The following LRPPRC variants were observed in gnomAD, a reference collection of about 807,000 sequenced individuals.
The protein encoded by LRPPRC is leucine rich pentatricopeptide repeat containing, also known as leucine-rich PPR motif-containing protein, mitochondrial.
Under a neutral mutation model 180.3 loss-of-function variants are expected in LRPPRC, and 120 were observed. The ratio of observed to expected loss-of-function variants is 0.67; its 90% CI spans 0.57 to 0.77. The LOEUF is 0.77. Among genes scored for constraint, LRPPRC ranks in the 30% least tolerant of loss-of-function variants. The pLI is 0.00. For synonymous variants in LRPPRC, 723 were observed against 600.0 expected (o/e 1.21, Z -3.00); for missense variants, 2,012 against 1,657.2 (o/e 1.21, Z -3.72).
Position 43,899,336 on chromosome 2 carries a change from T to C in LRPPRC, c.3710-2A>G. On this transcript the variant is annotated splice_acceptor_variant, in intron 33 of 37. Coordinates refer to ENST00000260665, the MANE Select transcript of LRPPRC (RefSeq NM_133259.4). LOFTEE classifies it high-confidence loss of function. Reference sequence around the variant, plus strand: ...CCAATCTCTCCGCCATGATGCTTACTGGAAAAATGACAGGTAAGAAAAATC... The same window carrying C: ...CCAATCTCTCCGCCATGATGCTTACCGGAAAAATGACAGGTAAGAAAAATC... 6.2e-7 allele frequency: 1 copy of C among 1,612,260 alleles called. No individual in the cohort carries two copies. The highest frequency in any genetic ancestry group is 8.5e-7 in the Non-Finnish European group (1 of 1,178,274).
At chr2:43,934,913 A>G (rs1031181168) in intron 23 of LRPPRC, 35 bp from the exon 24 acceptor site, 2 of 1,591,806 alleles carry the variant, frequency 1.3e-6, no homozygotes, top group African/African-American at 2.7e-5. Flanking sequence ...GAATAAAATA[A>G]ATCGAATTCA....
chr2:43,915,222 TCTCTCTCTCTCACACACACACACACA>T (rs1671411894), intron 29 of LRPPRC, among the ~76,000 whole-genome samples: 1 of 105,972 alleles, frequency 9.4e-6, no homozygotes, highest in Non-Finnish European at 1.8e-5. Flanking sequence ...TCTCTCTCTC[TCTCTCTCTCTCACACACACACACACA>T]CACACACACA....
chr2:43,915,053 CAAAAA>C (rs71393213), intron 29 of LRPPRC, among the ~76,000 whole-genome samples: 31 of 96,896 alleles, frequency 3.2e-4, no homozygotes, highest in African/African-American at 1.1e-3. Flanking sequence ...ACTAAAAATA[CAAAAA>C]AAAAAAAAAA....
At chr2:43,915,291 C>T (rs2105019082) in intron 29 of LRPPRC, among the ~76,000 whole-genome samples, 1 of 147,760 alleles carries the variant, frequency 6.8e-6, no homozygotes, top group African/African-American at 2.5e-5. Context: ...TTCATCAGAA[C>T]ATTTACATAG....
Position 43,977,046 on chromosome 2 carries a change from A to G in LRPPRC, c.598T>C (p.Tyr200His). 1.1e-5 allele frequency: 18 copies of G among 1,613,292 alleles called. No individual in the cohort carries two copies. Among genetic ancestry groups the G allele is most frequent in the Non-Finnish European group, 1.5e-5 (18 of 1,179,410 alleles). The change falls in exon 5 of 38, where the codon TAC becomes CAC. Residue 200 changes from tyrosine to histidine, a missense_variant. Coordinates refer to ENST00000260665, the MANE Select transcript of LRPPRC (RefSeq NM_133259.4). ...CAATAAGAAGCAATCAATCTCTGGT[A>G]TGTCACCTGTCAATGAAATGGGCCA... ...EANIQPNRVT[Y>H]QRLIASYCNV...
intron 30 of LRPPRC, among the ~76,000 whole-genome samples, chr2:43,911,527 T>TC (rs1371846613): frequency 1.4e-5 from 2 of 138,542 alleles, no homozygotes; most frequent in African/African-American, 5.7e-5. Context: ...CTTCTTCTTT[T>TC]TTTTTTTTTT....
At chr2:43,953,900 T>A (rs959044332) in intron 14 of LRPPRC, among the ~76,000 whole-genome samples, 1 of 152,220 alleles carries the variant, frequency 6.6e-6, no homozygotes, top group South Asian at 2.1e-4. Flanking sequence ...GCCAGGCCGG[T>A]GGTTCATGCC....
At chr2:43,983,703 G>C (rs1674409806) in intron 1 of LRPPRC, among the ~76,000 whole-genome samples, 5 of 152,048 alleles carry the variant, frequency 3.3e-5, no homozygotes. Context: ...TCACAATGGT[G>C]ACTTTAAAAA....
At chr2:43,928,381 T>G (rs891764041) in intron 25 of LRPPRC, among the ~76,000 whole-genome samples, 21 of 152,294 alleles carry the variant, frequency 1.4e-4, no homozygotes, top group African/African-American at 4.8e-4. Context: ...AAATGAAAGT[T>G]TTTCTACTGC....
intron 11 of LRPPRC, among the ~76,000 whole-genome samples, chr2:43,969,129 C>T (rs762081068): frequency 1.1e-4 from 16 of 152,188 alleles, no homozygotes; most frequent in Admixed American, 5.2e-4. Context: ...AACCAAGTCT[C>T]AGTCCGGGCG....
intron 35 of LRPPRC, among the ~76,000 whole-genome samples, chr2:43,895,422 G>T (rs932012630): frequency 7.9e-5 from 12 of 152,206 alleles, no homozygotes; most frequent in African/African-American, 2.9e-4. Flanking sequence ...TGGGTGGGAT[G>T]TTCTAAGCAG....
At chr2:43,939,047 T>C (rs1379067710) in intron 23 of LRPPRC, among the ~76,000 whole-genome samples, 1 of 148,562 alleles carries the variant, frequency 6.7e-6, no homozygotes, top group African/African-American at 2.5e-5. Context: ...CTGAGGTGGG[T>C]GGATCACGCG....
At chr2:43,963,740 G>C in intron 11 of LRPPRC, 34 bp from the exon 12 acceptor site, 1 of 1,099,866 alleles carries the variant, frequency 9.1e-7, no homozygotes, top group South Asian at 1.2e-5. Context: ...CAGAGATAGA[G>C]AACTTAGAAT....
rs773515488 is a variant in LRPPRC at position 43,982,281 on chromosome 2, T to G, written c.303A>C (p.Pro101=). 1 of 1,577,634 alleles carries G rather than the reference T, an allele frequency of 6.3e-7. No individual in the cohort carries two copies. The highest frequency in any genetic ancestry group is 1.4e-5 in the African/African-American group (1 of 72,846). ...DLSVRRTGRI[P]KKLLQKVFND... ...TAAAAACTTTTTGTAGAAGCTTCTT[T>G]GGAATGCGGCCAGTTCTTCGAACAG... Residue 101 remains proline, a synonymous_variant, in exon 2 of 38, where the codon CCA becomes CCC. Coordinates refer to ENST00000260665, the MANE Select transcript of LRPPRC (RefSeq NM_133259.4).
Position 43,951,554 on chromosome 2 carries a change from G to A in LRPPRC, c.1650-954C>T, listed in dbSNP as rs78827888. 3.8e-3 allele frequency among the ~76,000 whole-genome samples: 575 copies of A among 152,220 alleles called. 24 individuals carry two copies. The East Asian group carries it at 0.089, about 24-fold the overall frequency. ...GGTATGATATTACGGTGGTTATGTT[G>A]TTTTATTTAAAGTAAGTTCTGAGAT... On this transcript the variant is annotated intron_variant, in intron 14 of 37. Transcript: ENST00000260665.
intron 12 of LRPPRC, among the ~76,000 whole-genome samples, chr2:43,962,198 T>C (rs1240817418): frequency 2.6e-5 from 4 of 152,156 alleles, no homozygotes; most frequent in Non-Finnish European, 4.4e-5. Flanking sequence ...GACACTGATC[T>C]GGGGGCTGTA....
At chr2:43,973,762 C>T (rs1157607613) in intron 10 of LRPPRC, 33 bp downstream of exon 10, 1 of 1,602,550 alleles carries the variant, frequency 6.2e-7, no homozygotes, top group Non-Finnish European at 8.6e-7. Context: ...AGCAAAACTT[C>T]CTTACTTGGC....
intron 30 of LRPPRC, among the ~76,000 whole-genome samples, chr2:43,911,427 G>A (rs1015775084): frequency 2.0e-5 from 3 of 151,804 alleles, no homozygotes; most frequent in African/African-American, 7.3e-5. Context: ...AGGATGGCAG[G>A]CATCCATTTT....
chr2:43,962,074 G>A (rs938044277), intron 12 of LRPPRC, among the ~76,000 whole-genome samples: 2 of 152,262 alleles, frequency 1.3e-5, no homozygotes, highest in African/African-American at 4.8e-5. Flanking sequence ...AGCAATGAAG[G>A]CAACATAGTT....
Sources: allele counts gnomAD v4.1 joint callset (sites outside exome capture counted in the v4.1 genomes callset), GRCh38; gene constraint gnomAD v4.1.1; transcripts MANE v1.5; gene names NCBI Gene and HGNC (gene_info 2026-07-23, HGNC 2026-07-21).